Variants in FBN1 observed in about 807,000 individuals in gnomAD.
FBN1 encodes the protein fibrillin-1.
Under a neutral mutation model 365.1 loss-of-function variants are expected in FBN1, and 29 were observed. The observed-to-expected ratio is 0.08, with a 90% CI of 0.06 to 0.11. The LOEUF is 0.11. FBN1 is among the 10% of genes least tolerant of loss of function. FBN1 has a pLI of 1.00. For missense variants in FBN1, 2,476 were observed against 3,703.2 expected (o/e 0.67, Z 8.60); for synonymous variants, 1,210 against 1,270.5 (o/e 0.95, Z 1.01).
intron 53 of FBN1, among the ~76,000 whole-genome samples, chr15:48,436,004 T>C (rs1430586871): frequency 1.3e-5 from 2 of 151,944 alleles, no homozygotes; most frequent in Admixed American, 1.3e-4. Context: ...AAGTCAAAAG[T>C]AAAGGCAAGA....
rs925472002 is a variant in FBN1, at chr15:48,420,542, T to C, written c.7819+145A>G. The C allele has an allele frequency of 5.0e-6, 5 of 995,936 alleles. No homozygotes were observed. In the South Asian group the frequency reaches 6.7e-5, roughly 13 times the overall value. The allele number at this position is 995,936 out of a possible 1,614,324, so 61.7% of individuals were successfully genotyped here. A position where few individuals can be genotyped will look rare whatever the true frequency, so the allele number is the denominator to read the frequency against. On this transcript the variant is annotated intron_variant, in intron 63 of 65. Coordinates refer to ENST00000316623, the MANE Select transcript of FBN1 (RefSeq NM_000138.5). ...TTGCTGTTTTGCAAAGACTGTTACT[T>C]ACCTCGGGTTTCAACCAGGTTAGGG...
intron 6 of FBN1, among the ~76,000 whole-genome samples, chr15:48,542,811 G>A (rs1203788238): frequency 6.6e-6 from 1 of 151,070 alleles, no homozygotes; most frequent in Non-Finnish European, 1.5e-5. Context: ...GTGTGTGTGT[G>A]TGTGTGTGTG....
intron 5 of FBN1, among the ~76,000 whole-genome samples, chr15:48,597,744 A>G (rs537653021): frequency 5.6e-4 from 85 of 152,368 alleles, no homozygotes; most frequent in African/African-American, 1.7e-3. Flanking sequence ...GTTTATGTAA[A>G]TTAATTGTCT....
At chr15:48,515,023 G>C (rs544552439) in intron 12 of FBN1, among the ~76,000 whole-genome samples, 1 of 152,302 alleles carries the variant, frequency 6.6e-6, no homozygotes, top group South Asian at 2.1e-4. Flanking sequence ...ATGTGGAAGA[G>C]GGAATTGCAA....
At chr15:48,520,858 G>A (rs765345372) in intron 9 of FBN1, 41 bp from the exon 10 acceptor site, 3 of 1,612,668 alleles carry the variant, frequency 1.9e-6, no homozygotes. Flanking sequence ...ACATCGCTGA[G>A]ATAATACTTG....
chr15:48,503,629 T>C (rs186173657), intron 17 of FBN1, among the ~76,000 whole-genome samples, 158 bp downstream of exon 17: 5 of 152,336 alleles, frequency 3.3e-5, no homozygotes, highest in Admixed American at 3.3e-4. Context: ...GATAAGTACC[T>C]GTGACTAGAC....
At chr15:48,425,990 C>T (rs550150990) in intron 58 of FBN1, 126 bp from the exon 59 acceptor site, 1 of 735,194 alleles carries the variant, frequency 1.4e-6, no homozygotes, top group South Asian at 1.7e-5. Context: ...GAAATTAAAC[C>T]AGTAAGATGA....
intron 48 of FBN1, 104 bp downstream of exon 48, chr15:48,445,272 T>C: frequency 7.7e-7 from 1 of 1,293,072 alleles, no homozygotes; most frequent in Non-Finnish European, 1.1e-6. Flanking sequence ...TACTCTGACT[T>C]TTCCTCCAGG....
At chr15:48,478,867 T>G (rs527872222) in intron 32 of FBN1, among the ~76,000 whole-genome samples, 2 of 152,180 alleles carry the variant, frequency 1.3e-5, no homozygotes, top group East Asian at 3.8e-4. Context: ...TTTGTTAAAA[T>G]GGAAATACTC....
intron 48 of FBN1, among the ~76,000 whole-genome samples, chr15:48,445,135 T>C (rs549734920): frequency 5.1e-4 from 70 of 138,436 alleles, no homozygotes; most frequent in Admixed American, 3.2e-3. Context: ...TATATATATA[T>C]ACACACACAC....
chr15:48,465,901 GT>G, intron 38 of FBN1, 43 bp from the exon 39 acceptor site: 2 of 1,376,202 alleles, frequency 1.5e-6, no homozygotes, highest in South Asian at 1.2e-5. Context: ...TGAATCTAAA[GT>G]TTTTAGAAAT....
rs369157930 is a variant in FBN1, at chr15:48,568,049, G to GAAAGAAAGAAAGAAGAAAGAAAGA, written c.538+28233_538+28234insTCTTTCTTTCTTCTTTCTTTCTTT. ...AGAAAGAAAGAAAGAAAGAAAGAAA[G>GAAAGAAAGAAAGAAGAAAGAAAGA]AAGAAAGAAAGAAAGAAAGAAAGAA... is the stretch of plus-strand genomic sequence containing the variant. On this transcript the variant is annotated intron_variant, in intron 6 of 65. Transcript: ENST00000316623. Among the ~76,000 whole-genome samples, 262 of 40,010 alleles carry GAAAGAAAGAAAGAAGAAAGAAAGA rather than the reference G, an allele frequency of 6.5e-3. 3 individuals carry two copies. Among genetic ancestry groups the GAAAGAAAGAAAGAAGAAAGAAAGA allele is most frequent in the African/African-American group, 0.021 (151 of 7,262 alleles). 26.2% of individuals were successfully genotyped at this position (40,010 alleles called of 152,430 possible). A position where few individuals can be genotyped will look rare whatever the true frequency, so the allele number is the denominator to read the frequency against.
chr15:48,497,592 G>C (rs1193426499), intron 18 of FBN1, among the ~76,000 whole-genome samples: 1 of 152,122 alleles, frequency 6.6e-6, no homozygotes, highest in Non-Finnish European at 1.5e-5. Flanking sequence ...ACAAGTTCCT[G>C]AGAGGAACTT....
At chr15:48,620,351 C>A (rs1889743855) in intron 2 of FBN1, among the ~76,000 whole-genome samples, 1 of 152,204 alleles carries the variant, frequency 6.6e-6, no homozygotes, top group Admixed American at 6.5e-5. Flanking sequence ...TTAATCATAT[C>A]TATTGAGTGC....
chr15:48,577,401 C>T (rs903802314), intron 6 of FBN1, among the ~76,000 whole-genome samples: 2 of 152,180 alleles, frequency 1.3e-5, no homozygotes, highest in East Asian at 3.8e-4. Flanking sequence ...GTAACATTTT[C>T]TCTTGTATAA....
chr15:48,517,193 T>G (rs1254002013), intron 10 of FBN1, among the ~76,000 whole-genome samples: 1 of 152,182 alleles, frequency 6.6e-6, no homozygotes, highest in East Asian at 1.9e-4. Context: ...AGTGGAGCTA[T>G]CACTTCGCAG....
intron 4 of FBN1, among the ~76,000 whole-genome samples, chr15:48,602,434 G>C (rs1482995894): frequency 1.3e-5 from 2 of 152,130 alleles, no homozygotes; most frequent in African/African-American, 4.8e-5. Flanking sequence ...TGCTTTATAT[G>C]TAAGTGCTGT....
At chr15:48,603,890 A>G (rs1479659186) in intron 4 of FBN1, among the ~76,000 whole-genome samples, 1 of 152,192 alleles carries the variant, frequency 6.6e-6, no homozygotes, top group African/African-American at 2.4e-5. Flanking sequence ...GGTTTCATGT[A>G]AGGCTCAATA....
chr15:48,549,222 A>G (rs1416475783), intron 6 of FBN1, among the ~76,000 whole-genome samples: 1 of 152,220 alleles, frequency 6.6e-6, no homozygotes, highest in Admixed American at 6.5e-5. Flanking sequence ...CCCTGAAACT[A>G]TACATAAATC....
Sources: allele counts gnomAD v4.1 joint callset (sites outside exome capture counted in the v4.1 genomes callset), GRCh38; gene constraint gnomAD v4.1.1; transcripts MANE v1.5; gene names NCBI Gene and HGNC (gene_info 2026-07-23, HGNC 2026-07-21).